The following STXBP5 variants were observed in gnomAD, a reference collection of about 807,000 sequenced individuals.
The protein encoded by STXBP5 is syntaxin binding protein 5.
STXBP5 carries 50 observed loss-of-function variants against 152.4 expected under a neutral mutation model. That is an observed-to-expected ratio of 0.33 (90% CI 0.26 to 0.42). STXBP5 has a LOEUF of 0.42. STXBP5 is among the 10% of genes least tolerant of loss of function. The probability of loss-of-function intolerance (pLI) is 1.00; values close to 1 mark genes in which losing one functional copy is unlikely to be tolerated. For synonymous variants in STXBP5, 492 were observed against 494.7 expected (o/e 0.99, Z 0.07); for missense variants, 1,167 against 1,388.6 (o/e 0.84, Z 2.54).
At chr6:147,213,490 A>T (rs1338060974) in intron 2 of STXBP5, among the ~76,000 whole-genome samples, 2 of 129,458 alleles carry the variant, frequency 1.5e-5, no homozygotes, top group South Asian at 2.3e-4. Flanking sequence ...GCGCGCATAT[A>T]TATATTTTTT....
At chr6:147,345,593 A>G (rs1784290404) in intron 21 of STXBP5, among the ~76,000 whole-genome samples, 1 of 152,188 alleles carries the variant, frequency 6.6e-6, no homozygotes, top group East Asian at 1.9e-4. Flanking sequence ...TATAAACAAA[A>G]ATCAACTTGC....
intron 21 of STXBP5, among the ~76,000 whole-genome samples, chr6:147,345,397 C>T (rs1201209541): frequency 1.3e-5 from 2 of 152,144 alleles, no homozygotes; most frequent in Non-Finnish European, 2.9e-5. Context: ...CTTCTTGGTT[C>T]CACTTTTCTT....
At chr6:147,339,037 T>C in intron 19 of STXBP5, 142 bp from the exon 20 acceptor site, 3 of 671,588 alleles carry the variant, frequency 4.5e-6, no homozygotes, top group East Asian at 2.9e-5. Context: ...TATTTACTTA[T>C]ACATGGCCTC....
At chr6:147,363,143 C>G (rs930255890) in intron 23 of STXBP5, among the ~76,000 whole-genome samples, 192 bp from the exon 24 acceptor site, 2 of 152,162 alleles carry the variant, frequency 1.3e-5, no homozygotes, top group African/African-American at 4.8e-5. Flanking sequence ...CTATTTGGAG[C>G]ATGTAAGTTG....
At chr6:147,248,316 T>C (rs1323367905) in intron 4 of STXBP5, among the ~76,000 whole-genome samples, 2 of 151,116 alleles carry the variant, frequency 1.3e-5, no homozygotes, top group African/African-American at 4.9e-5. Context: ...GCTCTGCCAA[T>C]GAACTGATAA....
Position 147,315,510 on chromosome 6 carries a change from TCCAGTAAC to T in STXBP5, c.1403-4_1406del. The stretch of plus-strand genomic sequence containing the variant: ...AGTATCTGACATATATTATCTTTTT[TCCAGTAAC>T]TCTACAAGTATTATATAAGCTAAAG... On this transcript the variant is annotated splice_acceptor_variant and splice_polypyrimidine_tract_variant and coding_sequence_variant and intron_variant, in exon 15 of 28. Coordinates refer to ENST00000321680, the MANE Select transcript of STXBP5 (RefSeq NM_001127715.4). LOFTEE classifies it high-confidence loss of function. 1 of 1,573,996 alleles carries T rather than the reference TCCAGTAAC, an allele frequency of 6.4e-7. No individual in the cohort carries two copies. The highest frequency in any genetic ancestry group is 1.7e-4 in the Middle Eastern group (1 of 5,950).
At chr6:147,341,421 T>C (rs1349765052) in intron 21 of STXBP5, among the ~76,000 whole-genome samples, 4 of 152,180 alleles carry the variant, frequency 2.6e-5, no homozygotes, top group African/African-American at 9.6e-5. Flanking sequence ...TCCGATCTGG[T>C]ACCTGCTATG....
In STXBP5 at chr6:147,291,128, A is replaced by G. The variant is rs759619095; in HGVS notation, c.873A>G (p.Pro291=). 4.3e-6 allele frequency: 7 copies of G among 1,612,596 alleles called. No individual in the cohort carries two copies. The highest frequency in any genetic ancestry group is 5.1e-6 in the Non-Finnish European group (6 of 1,179,256). ...KQLKDGKKPE[P]CKPILKVEFK... ...TAAAGGATGGGAAGAAGCCAGAACC[A>G]TGCAAACCTATCCTCAAGGTGGAAT... Residue 291 remains proline (P), a synonymous_variant, in exon 9 of 28, where the codon CCA becomes CCG. Transcript: ENST00000321680.
At chr6:147,298,880 A>G (rs888530925) in intron 9 of STXBP5, among the ~76,000 whole-genome samples, 4 of 152,154 alleles carry the variant, frequency 2.6e-5, no homozygotes, top group South Asian at 2.1e-4. Flanking sequence ...GAAAAGCACA[A>G]TAATCTCAAA....
intron 2 of STXBP5, among the ~76,000 whole-genome samples, chr6:147,223,094 CT>C (rs1348517557): frequency 2.0e-5 from 3 of 152,126 alleles, no homozygotes; most frequent in African/African-American, 7.2e-5. Context: ...CAGCTTTTTA[CT>C]TCTTGTTAAG....
intron 11 of STXBP5, among the ~76,000 whole-genome samples, chr6:147,312,983 A>T (rs1992389): frequency 0.5 from 76,405 of 151,996 alleles, 19,487 homozygotes; most frequent in Middle Eastern, 0.57. Context: ...AATGTATGGT[A>T]ATAATAGAAT....
chr6:147,380,876 T>A (rs929556946), intron 26 of STXBP5, among the ~76,000 whole-genome samples: 27 of 152,176 alleles, frequency 1.8e-4, no homozygotes, highest in Non-Finnish European at 3.4e-4. Context: ...TCTATTCTCA[T>A]GCTGCTAATA....
intron 8 of STXBP5, among the ~76,000 whole-genome samples, chr6:147,290,825 A>G (rs1781241455): frequency 6.6e-6 from 1 of 152,168 alleles, no homozygotes; most frequent in Non-Finnish European, 1.5e-5. Context: ...CATTGGAAAA[A>G]CTATCAGTTT....
At chr6:147,322,834 C>G (rs574954468) in intron 16 of STXBP5, among the ~76,000 whole-genome samples, 21 of 152,222 alleles carry the variant, frequency 1.4e-4, no homozygotes, top group African/African-American at 4.6e-4. Flanking sequence ...TTTTCTGGTA[C>G]AAGTATAGCA....
chr6:147,210,539 G>T (rs1776793965), intron 2 of STXBP5, among the ~76,000 whole-genome samples: 1 of 152,056 alleles, frequency 6.6e-6, no homozygotes, highest in Admixed American at 6.6e-5. Flanking sequence ...ATAATTCTGT[G>T]GGTTTGTCCA....
At chr6:147,271,125 A>G (rs1038449461) in intron 7 of STXBP5, among the ~76,000 whole-genome samples, 3 of 152,186 alleles carry the variant, frequency 2.0e-5, no homozygotes, top group East Asian at 1.9e-4. Context: ...AGCTATGTCA[A>G]TAATCAGATT....
chr6:147,258,213 C>T (rs925537559), intron 4 of STXBP5, among the ~76,000 whole-genome samples: 6 of 152,156 alleles, frequency 3.9e-5, no homozygotes, highest in Admixed American at 2.0e-4. Flanking sequence ...AAATCTTCTA[C>T]GTTTGAAATC....
chr6:147,381,556 A>G (rs761546525), intron 26 of STXBP5, among the ~76,000 whole-genome samples: 2 of 152,164 alleles, frequency 1.3e-5, no homozygotes, highest in Admixed American at 1.3e-4. Flanking sequence ...AATTGAAAAC[A>G]TGCATTTACC....
At chr6:147,213,432 ATATGTGTGTGTGTGTGTGTGTG>A (rs1285867417) in intron 2 of STXBP5, among the ~76,000 whole-genome samples, 3 of 121,088 alleles carry the variant, frequency 2.5e-5, no homozygotes, top group East Asian at 2.2e-4. Context: ...ATAATTTTAT[ATATGTGTGTGTGTGTGTGTGTG>A]TGTGTGTGTG....
Sources: gnomAD v4.1 joint callset for allele counts (sites outside exome capture counted in the v4.1 genomes callset) on GRCh38, gnomAD v4.1.1 for gene constraint, MANE v1.5 for transcripts, NCBI Gene and HGNC (gene_info 2026-07-23, HGNC 2026-07-21) for gene names.